KCNQ5: variants seen among roughly 807,000 people sequenced by gnomAD.
The protein encoded by KCNQ5 is potassium voltage-gated channel subfamily Q member 5.
KCNQ5 carries 30 observed loss-of-function variants against 98.2 expected under a neutral mutation model. That is an observed-to-expected ratio of 0.31 (90% confidence interval 0.23 to 0.41). The LOEUF is 0.41. KCNQ5 is among the 10% of genes least tolerant of loss of function. The pLI is 1.00. For synonymous variants in KCNQ5, 458 were observed against 449.4 expected (o/e 1.02, Z -0.24); for missense variants, 835 against 1,182.5 (o/e 0.71, Z 4.31).
rs1777474924 is a variant in KCNQ5 at position 73,158,486 on chromosome 6, C to G, written c.1469-11260C>G. ...TTCACCACGTTGGCCAGGCTGGTCTCGAACTCCTGACCTCAGGGATCCGCG... is the reference window on the plus strand; with the variant it reads ...TTCACCACGTTGGCCAGGCTGGTCTGGAACTCCTGACCTCAGGGATCCGCG... On this transcript the variant is annotated intron_variant, in intron 10 of 13. Transcript: ENST00000370398. Among the ~76,000 whole-genome samples the G allele has an allele frequency of 2.0e-5, 3 of 152,090 alleles. No individual in the cohort carries two copies. The Middle Eastern group carries it at 0.01, about 517-fold the overall frequency.
rs752724963 is a variant in KCNQ5, at chr6:73,042,065, G to A, written c.616+3G>A. ...TCGAAAGCCCTTCTGTGTTATAGGT[G>A]AATATCAGAGTCTCAGATACCTGGA... On this transcript the variant is annotated splice_donor_region_variant and intron_variant, in intron 3 of 13. Transcript: ENST00000370398. 1 of 1,613,740 alleles carries A rather than the reference G, an allele frequency of 6.2e-7. No individual in the cohort carries two copies. The highest frequency in any genetic ancestry group is 2.2e-5 in the East Asian group (1 of 44,878).
At chr6:72,844,542 C>A (rs1776939342) in intron 1 of KCNQ5, among the ~76,000 whole-genome samples, 1 of 152,108 alleles carries the variant, frequency 6.6e-6, no homozygotes, top group African/African-American at 2.4e-5. Context: ...TACATATCAC[C>A]CTTTATTTTC....
intron 10 of KCNQ5, among the ~76,000 whole-genome samples, chr6:73,144,986 T>C (rs1050469748): frequency 6.6e-6 from 1 of 152,226 alleles, no homozygotes; most frequent in African/African-American, 2.4e-5. Flanking sequence ...ATTCCACCTC[T>C]TCATGTGAGA....
At chr6:73,042,781 G>C (rs764162276) in intron 3 of KCNQ5, among the ~76,000 whole-genome samples, 3 of 152,032 alleles carry the variant, frequency 2.0e-5, no homozygotes, top group African/African-American at 4.8e-5. Flanking sequence ...ATGCCATAGA[G>C]CATTCTGGAA....
intron 1 of KCNQ5, among the ~76,000 whole-genome samples, chr6:72,861,313 A>T (rs1777753649): frequency 3.5e-5 from 1 of 28,684 alleles, no homozygotes; most frequent in Non-Finnish European, 6.6e-5. Context: ...ATTCCTTTAA[A>T]GGATTATTTA....
intron 9 of KCNQ5, among the ~76,000 whole-genome samples, chr6:73,130,091 G>T (rs778779998): frequency 6.6e-6 from 1 of 152,220 alleles, no homozygotes; most frequent in Non-Finnish European, 1.5e-5. Flanking sequence ...CAGCCCTTTG[G>T]CGCCTCCTTG....
chr6:73,139,514 C>G (rs968495204), intron 10 of KCNQ5, among the ~76,000 whole-genome samples: 1 of 152,132 alleles, frequency 6.6e-6, no homozygotes, highest in African/African-American at 2.4e-5. Context: ...ATGGTGCTTT[C>G]TCTCAAATAT....
At chr6:73,165,802 G>A (rs528432205) in intron 10 of KCNQ5, among the ~76,000 whole-genome samples, 60 of 152,014 alleles carry the variant, frequency 3.9e-4, no homozygotes, top group East Asian at 2.0e-4. Flanking sequence ...AAAATTAGCC[G>A]TGTGTGGTGG....
At chr6:73,084,964 C>T (rs188409201) in intron 5 of KCNQ5, among the ~76,000 whole-genome samples, 17 of 152,272 alleles carry the variant, frequency 1.1e-4, no homozygotes, top group Non-Finnish European at 1.5e-5. Flanking sequence ...AAAGGATCAA[C>T]TGATAAACAT....
At chr6:72,759,729 C>A (rs1349121979) in intron 1 of KCNQ5, among the ~76,000 whole-genome samples, 1 of 151,914 alleles carries the variant, frequency 6.6e-6, no homozygotes, top group African/African-American at 2.4e-5. Context: ...AGGAAAGCTA[C>A]CTAAAATACC....
At chr6:72,964,591 A>G (rs555323399) in intron 1 of KCNQ5, among the ~76,000 whole-genome samples, 1 of 152,350 alleles carries the variant, frequency 6.6e-6, no homozygotes, top group East Asian at 1.9e-4. Context: ...ATTTAATAAC[A>G]GCAATACCAT....
At chr6:73,023,548 A>G (rs1770710326) in intron 2 of KCNQ5, among the ~76,000 whole-genome samples, 1 of 152,180 alleles carries the variant, frequency 6.6e-6, no homozygotes. Context: ...CAGACCCAAT[A>G]TTAACACACT....
intron 1 of KCNQ5, among the ~76,000 whole-genome samples, chr6:72,985,435 A>G (rs531007008): frequency 1.4e-4 from 22 of 152,352 alleles, no homozygotes; most frequent in Non-Finnish European, 2.8e-4. Flanking sequence ...CCTGTCCCCA[A>G]AAAGGACTTT....
At chr6:73,062,947 G>C in intron 3 of KCNQ5, among the ~76,000 whole-genome samples, 2 of 152,158 alleles carry the variant, frequency 1.3e-5, no homozygotes, top group African/African-American at 4.8e-5. Flanking sequence ...ATTTGCCATT[G>C]TGTGACTTAA....
At chr6:72,706,046 T>G (rs576151532) in intron 1 of KCNQ5, among the ~76,000 whole-genome samples, 1 of 152,086 alleles carries the variant, frequency 6.6e-6, no homozygotes, top group South Asian at 2.1e-4. Flanking sequence ...GCAGAGCTGA[T>G]TATTTTGGAA....
At chr6:72,868,648 G>T (rs1453112268) in intron 1 of KCNQ5, among the ~76,000 whole-genome samples, 1 of 152,196 alleles carries the variant, frequency 6.6e-6, no homozygotes, top group Non-Finnish European at 1.5e-5. Context: ...ACCAGGCAAA[G>T]GTGACAGTCA....
chr6:72,996,710 A>G (rs1769318848), intron 1 of KCNQ5, among the ~76,000 whole-genome samples: 2 of 152,224 alleles, frequency 1.3e-5, no homozygotes, highest in African/African-American at 4.8e-5. Flanking sequence ...GACAATGCAG[A>G]TATTTACTGT....
At chr6:72,778,088 G>C (rs1023932074) in intron 1 of KCNQ5, among the ~76,000 whole-genome samples, 2 of 152,130 alleles carry the variant, frequency 1.3e-5, no homozygotes, top group African/African-American at 4.8e-5. Context: ...AGAGTCTCTA[G>C]CATAAGTGGA....
chr6:73,045,306 T>C (rs1353245818), intron 3 of KCNQ5, among the ~76,000 whole-genome samples: 1 of 152,222 alleles, frequency 6.6e-6, no homozygotes, highest in East Asian at 1.9e-4. Flanking sequence ...TTTAATTAGG[T>C]ACTTTGTTTC....
Sources: allele counts gnomAD v4.1 joint callset (sites outside exome capture counted in the v4.1 genomes callset), GRCh38; gene constraint gnomAD v4.1.1; transcripts MANE v1.5; gene names NCBI Gene and HGNC (gene_info 2026-07-23, HGNC 2026-07-21).